Variants in UGGT2 observed in about 807,000 individuals in gnomAD.
The protein encoded by UGGT2 is UDP-glucose glycoprotein glucosyltransferase 2, also known as UDP-glucose:glycoprotein glucosyltransferase 2.
In UGGT2, 180 loss-of-function variants were observed where a neutral mutation model predicts 192.1. The ratio of observed to expected loss-of-function variants is 0.94; its 90% CI spans 0.83 to 1.06. The LOEUF (loss-of-function observed/expected upper bound fraction) is 1.06, where lower values mean the gene tolerates loss of function less well. Ranked by LOEUF, UGGT2 falls within the 50% of genes least tolerant of loss-of-function variation. The pLI is 0.00. For synonymous variants in UGGT2, 580 were observed against 591.0 expected (o/e 0.98, Z 0.27); for missense variants, 1,849 against 1,795.7 (o/e 1.03, Z -0.54).
chr13:95,888,559 A>G (rs2047712859), intron 25 of UGGT2, among the ~76,000 whole-genome samples: 2 of 152,192 alleles, frequency 1.3e-5, no homozygotes, highest in South Asian at 4.1e-4. Flanking sequence ...TATGTAATAG[A>G]AAGGATACAG....
intron 1 of UGGT2, among the ~76,000 whole-genome samples, chr13:96,032,664 A>G (rs1385338433): frequency 6.6e-6 from 1 of 152,238 alleles, no homozygotes; most frequent in Non-Finnish European, 1.5e-5. Context: ...TATTTAAGCT[A>G]GAAACAAAAC....
Position 95,840,745 on chromosome 13 carries a change from C to T in UGGT2, c.4285-3543G>A, listed in dbSNP as rs376854794. On this transcript the variant is annotated intron_variant, in intron 36 of 38. Transcript: ENST00000376747. ...TAAATCATTCTACTATAAAGACACA[C>T]GCACATGTATGTTTACCGCAGCACT... Among the ~76,000 whole-genome samples, 169 of 152,224 alleles carry T rather than the reference C, an allele frequency of 1.1e-3. 1 individual carries two copies. The highest frequency in any genetic ancestry group is 3.4e-3 in the African/African-American group (140 of 41,528).
chr13:95,894,123 T>G (rs9516621), intron 24 of UGGT2, among the ~76,000 whole-genome samples: 128,748 of 152,012 alleles, frequency 0.85, 54,727 homozygotes, highest in East Asian at 0.93. Context: ...AGCTTTGCCT[T>G]GACCCTCTCT....
chr13:95,877,761 C>T lies in UGGT2; in HGVS notation c.3324G>A (p.Leu1108=), dbSNP rs768613804. ...TATTTTTTGTGCCTAGTGTGAACTG[C>T]AGACCCCGAGGAGGCTGTTCTGTCA... ...DKVTEQPPRG[L]QFTLGTKNKP... The change falls in exon 28 of 39, where the codon CTG becomes CTA. Residue 1108 remains leucine (L), a synonymous_variant. Coordinates refer to ENST00000376747, the MANE Select transcript of UGGT2 (RefSeq NM_020121.4). 1 of 1,614,020 alleles carries T rather than the reference C, an allele frequency of 6.2e-7. No individual in the cohort carries two copies. The highest frequency in any genetic ancestry group is 1.7e-5 in the Admixed American group (1 of 60,016).
intron 27 of UGGT2, among the ~76,000 whole-genome samples, chr13:95,883,784 C>T (rs187681311): frequency 2.3e-3 from 351 of 152,284 alleles, no homozygotes; most frequent in Admixed American, 4.1e-3. Context: ...CAGACTACCA[C>T]ACGTATCTTA....
intron 19 of UGGT2, 77 bp downstream of exon 19, chr13:95,926,951 T>G: frequency 7.5e-7 from 1 of 1,335,332 alleles, no homozygotes; most frequent in Non-Finnish European, 1.0e-6. Context: ...ATATTAAAAT[T>G]TATTATACAA....
chr13:95,974,760 C>T (rs2050883683), intron 10 of UGGT2, among the ~76,000 whole-genome samples: 2 of 152,144 alleles, frequency 1.3e-5, no homozygotes, highest in Admixed American at 6.6e-5. Flanking sequence ...CATTTTCTTA[C>T]TAAAAGTATC....
chr13:95,887,231 T>A (rs1022034967), intron 26 of UGGT2: 1 of 497,374 alleles, frequency 2.0e-6, no homozygotes. Flanking sequence ...GATGAGCACA[T>A]TAAAAAGTCT....
intron 7 of UGGT2, among the ~76,000 whole-genome samples, chr13:95,994,419 A>T (rs1460749944): frequency 6.6e-6 from 1 of 151,778 alleles, no homozygotes; most frequent in South Asian, 2.1e-4. Context: ...TATTTATTTT[A>T]AAAAATAATG....
chr13:96,046,813 GA>G (rs1246233548), intron 1 of UGGT2, among the ~76,000 whole-genome samples: 3 of 152,230 alleles, frequency 2.0e-5, no homozygotes, highest in Admixed American at 6.5e-5. Flanking sequence ...GGCACACCAG[GA>G]GATTATATCC....
chr13:95,841,050 G>T (rs1050474968), intron 36 of UGGT2, among the ~76,000 whole-genome samples: 3 of 152,032 alleles, frequency 2.0e-5, no homozygotes, highest in African/African-American at 7.2e-5. Context: ...GGGCCTATTG[G>T]AGGGCTGGGG....
rs569945325 is a variant in UGGT2 at position 95,822,634 on chromosome 13, T to C, written c.4528+10293A>G. Among the ~76,000 whole-genome samples, 3 of 152,230 alleles carry C rather than the reference T, an allele frequency of 2.0e-5. No individual in the cohort carries two copies. The South Asian group carries it at 6.2e-4, about 32-fold the overall frequency. On this transcript the variant is annotated intron_variant, in intron 38 of 38. Coordinates refer to ENST00000376747, the MANE Select transcript of UGGT2 (RefSeq NM_020121.4). ...TAGTGGTCTCGAATGATCTTTTGTA[T>C]TTCTGCAGTATTGTTTGTGATGTCT...
At chr13:96,002,501 T>A (rs2051839060) in intron 5 of UGGT2, among the ~76,000 whole-genome samples, 3 of 152,204 alleles carry the variant, frequency 2.0e-5, no homozygotes, top group Admixed American at 2.0e-4. Flanking sequence ...AACCAATGCC[T>A]GGCACAGAGG....
intron 5 of UGGT2, among the ~76,000 whole-genome samples, chr13:96,012,400 T>C (rs114349326): frequency 6.6e-6 from 1 of 151,780 alleles, no homozygotes; most frequent in Non-Finnish European, 1.5e-5. Context: ...TCTGACTATA[T>C]CACAAGTAAT....
chr13:95,999,515 G>T (rs1294124703), intron 5 of UGGT2, among the ~76,000 whole-genome samples: 1 of 152,084 alleles, frequency 6.6e-6, no homozygotes, highest in Non-Finnish European at 1.5e-5. Context: ...TAAAAACTTT[G>T]TCATGACTAC....
At chr13:95,870,026 C>G (rs1254432705) in intron 29 of UGGT2, among the ~76,000 whole-genome samples, 1 of 152,138 alleles carries the variant, frequency 6.6e-6, no homozygotes, top group Admixed American at 6.5e-5. Flanking sequence ...AAAACACTAA[C>G]TGGTAAGAAA....
intron 2 of UGGT2, among the ~76,000 whole-genome samples, chr13:96,028,826 A>G (rs974788030): frequency 3.9e-5 from 6 of 152,170 alleles, no homozygotes; most frequent in African/African-American, 1.4e-4. Context: ...TTCCTCTAAG[A>G]TGTCTTGAAA....
rs1427508524 is a variant in UGGT2 at position 95,859,834 on chromosome 13, GT to G, written c.3741-160del. ...CAGAACATACAGGTTTGTTACATAG[GT>G]CTTTTAAAGGCTTTTAAATAATTGA... On this transcript the variant is annotated intron_variant, in intron 32 of 38. Transcript: ENST00000376747. 3 of 471,272 alleles carry G rather than the reference GT, an allele frequency of 6.4e-6. No homozygotes were observed. The Admixed American group carries it at 1.2e-4, about 18-fold the overall frequency. 29.2% of individuals were successfully genotyped at this position (471,272 alleles called of 1,614,324 possible). A position where few individuals can be genotyped will look rare whatever the true frequency, so the allele number is the denominator to read the frequency against.
chr13:95,843,150 A>G (rs1179931010), intron 36 of UGGT2, among the ~76,000 whole-genome samples: 1 of 152,242 alleles, frequency 6.6e-6, no homozygotes, highest in Admixed American at 6.5e-5. Context: ...TATAATGACT[A>G]ATCATATGGC....
Sources: allele counts gnomAD v4.1 joint callset (sites outside exome capture counted in the v4.1 genomes callset), GRCh38; gene constraint gnomAD v4.1.1; transcripts MANE v1.5; gene names NCBI Gene and HGNC (gene_info 2026-07-23, HGNC 2026-07-21).